Variants in ANXA4 observed in about 807,000 individuals in gnomAD.
ANXA4 encodes the protein 35-beta calcimedin.
Under a neutral mutation model 49.8 loss-of-function variants are expected in ANXA4, and 39 were observed. The ratio of observed to expected loss-of-function variants is 0.78; its 90% CI spans 0.61 to 1.02. The LOEUF is 1.02. Ranked by LOEUF, ANXA4 falls within the 50% of genes least tolerant of loss-of-function variation. The pLI, the probability that ANXA4 is intolerant of heterozygous loss-of-function variation, is 0.00. For missense variants in ANXA4, 360 were observed against 410.1 expected, an observed-to-expected ratio of 0.88 and a Z score of 1.05; for synonymous variants, 134 against 152.5, an observed-to-expected ratio of 0.88 and a Z score of 0.89.
At chr2:69,743,498 A>G (rs1670485874) in intron 1 of ANXA4, among the ~76,000 whole-genome samples, 1 of 152,142 alleles carries the variant, frequency 6.6e-6, no homozygotes, top group African/African-American at 2.4e-5. Context: ...GATTACAGGC[A>G]TGAGCCACCG....
At chr2:69,673,538 G>C (rs1677273610) in intron 2 of ANXA4, among the ~76,000 whole-genome samples, 1 of 151,932 alleles carries the variant, frequency 6.6e-6, no homozygotes, top group Admixed American at 6.6e-5. Context: ...GATAGCATTA[G>C]GAGAAATACC....
intron 2 of ANXA4, among the ~76,000 whole-genome samples, chr2:69,685,226 A>G (rs902876351): frequency 6.6e-6 from 1 of 152,200 alleles, no homozygotes; most frequent in African/African-American, 2.4e-5. Context: ...ATTAAGATCC[A>G]GATGAGTTCA....
chr2:69,763,402 A>C (rs1671373675), intron 1 of ANXA4, among the ~76,000 whole-genome samples: 1 of 152,102 alleles, frequency 6.6e-6, no homozygotes, highest in South Asian at 2.1e-4. Context: ...ATCTGGAAAG[A>C]GAGGGCTTTT....
chr2:69,708,236 C>G (rs1678559493), intron 2 of ANXA4, among the ~76,000 whole-genome samples: 1 of 152,088 alleles, frequency 6.6e-6, no homozygotes, highest in Non-Finnish European at 1.5e-5. Context: ...ATCATGATTC[C>G]CCCCTTCCTC....
intron 2 of ANXA4, among the ~76,000 whole-genome samples, chr2:69,666,097 G>A (rs1189294681): frequency 6.6e-6 from 1 of 152,118 alleles, no homozygotes; most frequent in African/African-American, 2.4e-5. Context: ...TCAGCTACTT[G>A]GGAGGCTGAG....
At chr2:69,817,871 C>A (rs1333301995) in intron 9 of ANXA4, 2 of 152,164 alleles carry the variant, frequency 1.3e-5, no homozygotes, top group Non-Finnish European at 2.9e-5. Flanking sequence ...AAAAAGTTCC[C>A]AGGAGAGAGT....
intron 1 of ANXA4, among the ~76,000 whole-genome samples, chr2:69,773,638 T>G (rs1294755641): frequency 2.9e-5 from 4 of 137,436 alleles, no homozygotes; most frequent in African/African-American, 8.3e-5. Context: ...TTTTTTTTTT[T>G]TTTTTTTGTT....
At position 69,825,492 on chromosome 2, in the gene ANXA4, G is replaced by T. The variant is rs146778617; in HGVS notation, c.943G>T (p.Val315Phe). 2.6e-4 allele frequency: 424 copies of T among 1,609,446 alleles called. No homozygotes were observed. The African/African-American group carries it at 5.0e-3, about 19-fold the overall frequency. The part of the protein sequence containing the change: ...TSGDYRKVLL[V>F]LCGGDD The stretch of plus-strand genomic sequence containing the variant: ...TGGAGACTACAGGAAAGTACTGCTT[G>T]TTCTCTGTGGAGGAGATGATTAAAA... The change falls in exon 13 of 13, where the codon GTT (valine) becomes TTT (phenylalanine). Residue 315 changes from valine to phenylalanine, a missense_variant. By Grantham distance (50) the Val-to-Phe change is conservative. Coordinates refer to ENST00000394295, the MANE Select transcript of ANXA4 (RefSeq NM_001153.5).
upstream of ANXA4, among the ~76,000 whole-genome samples, chr2:69,739,278 G>A (rs969543305): frequency 6.6e-5 from 10 of 152,130 alleles, no homozygotes; most frequent in South Asian, 2.1e-4. Flanking sequence ...TTTGGAAGTC[G>A]GCTTTCTGAG....
chr2:69,750,631 T>G lies in ANXA4; in HGVS notation c.-47+8456T>G, dbSNP rs76442473. Among the ~76,000 whole-genome samples, 45 of 152,266 alleles carry G rather than the reference T, an allele frequency of 3.0e-4. 2 individuals carry two copies. In the East Asian group the frequency reaches 6.9e-3, roughly 23 times the overall value. On this transcript the variant is annotated intron_variant, in intron 1 of 12. Coordinates refer to ENST00000394295, the MANE Select transcript of ANXA4 (RefSeq NM_001153.5). ...GTTTTACCACGTTTCCCAGGCTGGT[T>G]TCAAACTCCTGGAGTCAAGCCATCT...
At chr2:69,812,776 G>A in intron 8 of ANXA4, 67 bp downstream of exon 8, 1 of 1,373,438 alleles carries the variant, frequency 7.3e-7, no homozygotes. Flanking sequence ...GGCCTTAGTG[G>A]GTGGATAGCA....
At chr2:69,702,589 C>T (rs567089353) in intron 2 of ANXA4, among the ~76,000 whole-genome samples, 95 of 152,070 alleles carry the variant, frequency 6.2e-4, no homozygotes, top group African/African-American at 2.3e-3. Flanking sequence ...TGGTGTATAC[C>T]TGTGGTCTCA....
intron 1 of ANXA4, among the ~76,000 whole-genome samples, chr2:69,749,253 G>C (rs1451747845): frequency 6.6e-6 from 1 of 152,144 alleles, no homozygotes; most frequent in Non-Finnish European, 1.5e-5. Flanking sequence ...AAGGGACTAG[G>C]GGTAATGGTT....
upstream of ANXA4, among the ~76,000 whole-genome samples, chr2:69,740,857 T>G (rs1260923764): frequency 1.1e-3 from 42 of 38,758 alleles, no homozygotes; most frequent in African/African-American, 4.5e-3. Flanking sequence ...ATATATATGT[T>G]TTTTTTTTTT....
chr2:69,748,904 A>C (rs1238932180), intron 1 of ANXA4, among the ~76,000 whole-genome samples: 1 of 151,930 alleles, frequency 6.6e-6, no homozygotes, highest in Non-Finnish European at 1.5e-5. Flanking sequence ...GTAGAGACGA[A>C]GTTTTGCCAT....
chr2:69,712,835 A>C (rs988466422), intron 2 of ANXA4, among the ~76,000 whole-genome samples: 18 of 152,142 alleles, frequency 1.2e-4, no homozygotes, highest in African/African-American at 4.1e-4. Context: ...TTGAGTTGTG[A>C]AGATATCACC....
chr2:69,776,261 C>T (rs955670160), intron 1 of ANXA4, among the ~76,000 whole-genome samples: 3 of 152,132 alleles, frequency 2.0e-5, no homozygotes, highest in African/African-American at 7.2e-5. Flanking sequence ...CAGGCGTGAG[C>T]CACCATGCCT....
At chr2:69,757,264 ATATTTTTTTTTTT>A (rs1351073064) in intron 1 of ANXA4, among the ~76,000 whole-genome samples, 152 of 28,012 alleles carry the variant, frequency 5.4e-3, no homozygotes, top group African/African-American at 0.025. Flanking sequence ...ATATATATAT[ATATTTTTTTTTTT>A]TTTTTTTTTT....
intron 2 of ANXA4, among the ~76,000 whole-genome samples, chr2:69,660,085 G>A (rs1442353574): frequency 6.6e-6 from 1 of 152,114 alleles, no homozygotes; most frequent in African/African-American, 2.4e-5. Context: ...GTCTATCTGT[G>A]TGTATGCATG....
Sources: gnomAD v4.1 joint callset for allele counts (sites outside exome capture counted in the v4.1 genomes callset) on GRCh38, gnomAD v4.1.1 for gene constraint, MANE v1.5 for transcripts, NCBI Gene and HGNC (gene_info 2026-07-23, HGNC 2026-07-21) for gene names.